The following MTMR7 variants were observed in gnomAD, a reference collection of about 807,000 sequenced individuals.
The protein encoded by MTMR7 is myotubularin related protein 7.
A neutral mutation model predicts 81.2 loss-of-function variants in MTMR7; 76 were observed. That is an observed-to-expected ratio of 0.94 (90% CI 0.78 to 1.13). MTMR7 has a LOEUF of 1.13. Ranked by LOEUF, MTMR7 falls within the 50% of genes most tolerant of loss-of-function variation. MTMR7 has a pLI of 0.00. For synonymous variants in MTMR7, 372 were observed against 289.8 expected (o/e 1.28, Z -2.88); for missense variants, 1,044 against 820.0 (o/e 1.27, Z -3.34).
intron 7 of MTMR7, among the ~76,000 whole-genome samples, chr8:17,318,381 G>A (rs74357250): frequency 0.012 from 1,770 of 152,162 alleles, 34 homozygotes; most frequent in African/African-American, 0.039. Flanking sequence ...AGTGAACAGC[G>A]TTCATGATAA....
At position 17,299,967 on chromosome 8, in the gene MTMR7, C is replaced by T. The variant is rs1463786994; in HGVS notation, c.1878G>A (p.Gly626=). The T allele has an allele frequency of 5.6e-6, 9 of 1,613,996 alleles. No homozygotes were observed. The highest frequency in any genetic ancestry group is 6.8e-6 in the Non-Finnish European group (8 of 1,180,020). Residue 626 remains glycine (G), a synonymous_variant, in exon 14 of 14, where the codon GGG becomes GGA. Transcript: ENST00000180173. ...GAGACCGACAGCTCAAATCCTCCACCCCGGACTCTTGGTCACTGTTGGCTG... is the reference window on the plus strand; with the variant it reads ...GAGACCGACAGCTCAAATCCTCCACTCCGGACTCTTGGTCACTGTTGGCTG... ...DLSANSDQES[G]VEDLSCRSPS... is the part of the protein sequence containing the mutation.
At position 17,300,027 on chromosome 8, in the gene MTMR7, G is replaced by C. The variant is rs1817006899; in HGVS notation, c.1818C>G (p.Thr606=). 1.9e-6 allele frequency: 3 copies of C among 1,614,114 alleles called. No homozygotes were observed. The highest frequency in any genetic ancestry group is 2.5e-6 in the Non-Finnish European group (3 of 1,180,010). Reference sequence around the variant, plus strand: ...GATCTGAACTTTTCAGATTGTCTTGGGTTAGAATCAGAGCAGAATCTTCAT... The same window carrying C: ...GATCTGAACTTTTCAGATTGTCTTGCGTTAGAATCAGAGCAGAATCTTCAT... ...QGDEDSALIL[T]QDNLKSSDPD... is the part of the protein sequence containing the mutation. Residue 606 remains threonine (T), a synonymous_variant, in exon 14 of 14, where the codon ACC becomes ACG. Coordinates refer to ENST00000180173, the MANE Select transcript of MTMR7 (RefSeq NM_004686.5).
In MTMR7 at chr8:17,302,230, T is replaced by C; in HGVS notation, c.1544A>G (p.Gln515Arg). 6.2e-7 allele frequency: 1 copy of C among 1,614,112 alleles called. No homozygotes were observed. The highest frequency in any genetic ancestry group is 8.5e-7 in the Non-Finnish European group (1 of 1,179,976). The change falls in exon 13 of 14, where the codon CAG (glutamine) becomes CGG (arginine). Residue 515 changes from glutamine to arginine, a missense_variant. Transcript: ENST00000180173. ...NRFEKGMQPR[Q>R]SVTDYLMAVK... ...TGCCATTAGGTAATCTGTAACTGAC[T>C]GTCGGGGCTGCATCCCCTTTTCAAA...
At chr8:17,312,372 C>T (rs754316126) in intron 8 of MTMR7, among the ~76,000 whole-genome samples, 48 of 152,086 alleles carry the variant, frequency 3.2e-4, no homozygotes, top group Non-Finnish European at 2.1e-4. Context: ...GTCAGGAGTC[C>T]GTGACCAGCC....
chr8:17,413,209 CCCT>C (rs1554520249), intron 1 of MTMR7, 57 bp downstream of exon 1: 13 of 1,519,802 alleles, frequency 8.6e-6, no homozygotes, highest in East Asian at 2.5e-5. Flanking sequence ...CGCTCAGCAT[CCCT>C]CCTCCTCCTC....
At chr8:17,301,490 A>C (rs1031494190) in intron 13 of MTMR7, among the ~76,000 whole-genome samples, 1 of 152,202 alleles carries the variant, frequency 6.6e-6, no homozygotes, top group African/African-American at 2.4e-5. Flanking sequence ...ATTAAATATT[A>C]GCATGGAAAA....
intron 1 of MTMR7, among the ~76,000 whole-genome samples, chr8:17,409,856 G>A (rs1247534713): frequency 3.9e-5 from 6 of 152,148 alleles, no homozygotes; most frequent in Non-Finnish European, 7.4e-5. Flanking sequence ...GAACAGCAGT[G>A]CAAAAGTCCC....
intron 1 of MTMR7, among the ~76,000 whole-genome samples, chr8:17,385,266 C>T (rs530397144): frequency 1.3e-5 from 2 of 151,878 alleles, no homozygotes; most frequent in East Asian, 1.9e-4. Context: ...CTGAATGGCT[C>T]GGCACCATCC....
At chr8:17,312,827 C>T (rs1297119954) in intron 8 of MTMR7, among the ~76,000 whole-genome samples, 1 of 152,056 alleles carries the variant, frequency 6.6e-6, no homozygotes, top group East Asian at 1.9e-4. Flanking sequence ...CTGAACAACA[C>T]AAAAGACATT....
intron 6 of MTMR7, 101 bp from the exon 7 acceptor site, chr8:17,331,383 T>C (rs915739085): frequency 7.8e-7 from 1 of 1,279,220 alleles, no homozygotes; most frequent in Non-Finnish European, 1.1e-6. Flanking sequence ...GCATTCAGAA[T>C]GATGTACGGA....
chr8:17,373,113 C>G lies in MTMR7; in HGVS notation c.147+5G>C. On this transcript the variant is annotated splice_donor_5th_base_variant and intron_variant, in intron 2 of 13. Coordinates refer to ENST00000180173, the MANE Select transcript of MTMR7 (RefSeq NM_004686.5). ...CAAGGAAAGCTAAAAATAAAGAAAG[C>G]ATACCCATGTTTCTTTTCTTGGGTC... 6.2e-7 allele frequency: 1 copy of G among 1,612,420 alleles called. No individual in the cohort carries two copies. The highest frequency in any genetic ancestry group is 8.5e-7 in the Non-Finnish European group (1 of 1,179,458).
At chr8:17,329,517 A>T (rs1196783906) in intron 7 of MTMR7, among the ~76,000 whole-genome samples, 1 of 152,222 alleles carries the variant, frequency 6.6e-6, no homozygotes, top group Non-Finnish European at 1.5e-5. Context: ...TCCTGACGAG[A>T]AACCAAAGAT....
intron 9 of MTMR7, 88 bp downstream of exon 9, chr8:17,311,423 A>G (rs1817774958): frequency 6.4e-7 from 1 of 1,553,570 alleles, no homozygotes; most frequent in South Asian, 1.1e-5. Context: ...TGCTGGCAAG[A>G]AAACAGCAGT....
At chr8:17,379,816 G>C (rs1405086957) in intron 1 of MTMR7, among the ~76,000 whole-genome samples, 2 of 151,952 alleles carry the variant, frequency 1.3e-5, no homozygotes, top group Non-Finnish European at 2.9e-5. Flanking sequence ...TTTTTAATTA[G>C]GTAGTGAAGC....
intron 1 of MTMR7, among the ~76,000 whole-genome samples, chr8:17,395,585 G>T (rs1327987391): frequency 6.6e-6 from 1 of 152,142 alleles, no homozygotes; most frequent in African/African-American, 2.4e-5. Context: ...AACACTTGTT[G>T]TTTTCTTTCT....
rs867635486 is a variant in MTMR7 at position 17,373,233 on chromosome 8, T to G, written c.32A>C (p.Asn11Thr). The change falls in exon 2 of 14, where the codon AAT (asparagine) becomes ACT (threonine). Residue 11 changes from asparagine (N) to threonine (T), a missense_variant. By Grantham distance (65) the Asn-to-Thr change is moderately conservative (BLOSUM62 0). Coordinates refer to ENST00000180173, the MANE Select transcript of MTMR7 (RefSeq NM_004686.5). ...AGACACTCGATCTACCAAGCGGACA[T>G]TTTCAACCTAGAGAAATCGGCATGA... Reference protein sequence around the residue: MEHIRTPKVENVRLVDRVSPK... With the variant: MEHIRTPKVETVRLVDRVSPK... The G allele has an allele frequency of 7.5e-6, 12 of 1,610,688 alleles. No individual in the cohort carries two copies. The highest frequency in any genetic ancestry group is 2.7e-5 in the African/African-American group (2 of 74,828).
chr8:17,312,352 A>T (rs1255622456), intron 8 of MTMR7, among the ~76,000 whole-genome samples: 1 of 152,034 alleles, frequency 6.6e-6, no homozygotes, highest in African/African-American at 2.4e-5. Flanking sequence ...TGGCGGGTGG[A>T]TCACCTGAGG....
intron 6 of MTMR7, among the ~76,000 whole-genome samples, chr8:17,339,751 G>A (rs1819351953): frequency 6.6e-6 from 1 of 151,934 alleles, no homozygotes. Flanking sequence ...CATTTCTCTT[G>A]GTTATATACC....
intron 1 of MTMR7, among the ~76,000 whole-genome samples, chr8:17,378,782 G>T (rs896939931): frequency 6.6e-6 from 1 of 152,162 alleles, no homozygotes; most frequent in Non-Finnish European, 1.5e-5. Flanking sequence ...AAAAGCTATT[G>T]TGTCATTTCA....
Sources: allele counts gnomAD v4.1 joint callset (sites outside exome capture counted in the v4.1 genomes callset), GRCh38; gene constraint gnomAD v4.1.1; transcripts MANE v1.5; gene names NCBI Gene and HGNC (gene_info 2026-07-23, HGNC 2026-07-21).